The following EVC2 variants were observed in gnomAD, a reference collection of about 807,000 sequenced individuals.
EVC2 encodes EvC ciliary complex subunit 2, also known as limbin.
EVC2 carries 148 observed loss-of-function variants against 149.3 expected under a neutral mutation model. The observed-to-expected ratio is 0.99, with a 90% CI of 0.87 to 1.14. EVC2 has a LOEUF of 1.14. Among genes scored for constraint, EVC2 ranks in the 50% most tolerant of loss-of-function variants. The pLI is 0.00. For missense variants in EVC2, 1,854 were observed against 1,627.3 expected (o/e 1.14, Z -2.40); for synonymous variants, 776 against 649.9 (o/e 1.19, Z -2.95).
Position 5,614,388 on chromosome 4 carries a change from A to T in EVC2, c.2829+1034T>A, listed in dbSNP as rs1220768246. ...CTGCAACCCCAGAGTTAACTGACAC[A>T]GCGCCTGGGACACTGTTGCCTCCCC... On this transcript the variant is annotated intron_variant, in intron 16 of 21. Transcript: ENST00000344408. The surrounding 1 kb of genome is among the most constrained non-coding windows in gnomAD (Gnocchi z 4.7). Among the ~76,000 whole-genome samples the T allele has an allele frequency of 6.9e-6, 1 of 143,982 alleles. No individual in the cohort carries two copies. Among genetic ancestry groups the T allele is most frequent in the East Asian group, 2.6e-4 (1 of 3,908 alleles). The allele number at this position is 143,982 out of a possible 152,430, so 94.5% of individuals were successfully genotyped here.
chr4:5,641,270 A>G (rs1225820545), intron 9 of EVC2, among the ~76,000 whole-genome samples: 1 of 152,220 alleles, frequency 6.6e-6, no homozygotes, highest in Non-Finnish European at 1.5e-5. Context: ...AAAGGACATT[A>G]GATTAAAAAC....
At chr4:5,705,718 C>A (rs1323406811) in intron 1 of EVC2, among the ~76,000 whole-genome samples, 2 of 152,024 alleles carry the variant, frequency 1.3e-5, no homozygotes, top group East Asian at 3.9e-4. Context: ...CTTCCTGTCA[C>A]CTTGGAAAAC....
chr4:5,654,042 C>T (rs1006233400), intron 9 of EVC2, among the ~76,000 whole-genome samples: 3 of 152,112 alleles, frequency 2.0e-5, no homozygotes, highest in African/African-American at 7.2e-5. Context: ...GGTGAAACCC[C>T]GTCTCTACTA....
At chr4:5,648,502 C>T (rs74824618) in intron 9 of EVC2, among the ~76,000 whole-genome samples, 1,808 of 152,242 alleles carry the variant, frequency 0.012, 27 homozygotes, top group African/African-American at 0.041. Flanking sequence ...AGCTAAGGGG[C>T]CTGGATAAAG....
intron 9 of EVC2, among the ~76,000 whole-genome samples, chr4:5,643,391 T>A (rs1717482511): frequency 6.6e-6 from 1 of 152,176 alleles, no homozygotes. Context: ...TGTAATTGTT[T>A]TTTTCACAAC....
At position 5,625,725 on chromosome 4, in the gene EVC2, T is replaced by A. The variant is rs757966891; in HGVS notation, c.2046+24A>T. 1 of 1,614,040 alleles carries A rather than the reference T, an allele frequency of 6.2e-7. No homozygotes were observed. The highest frequency in any genetic ancestry group is 1.7e-5 in the Admixed American group (1 of 60,032). On this transcript the variant is annotated intron_variant, in intron 13 of 21. Coordinates refer to ENST00000344408, the MANE Select transcript of EVC2 (RefSeq NM_147127.5). The surrounding 1 kb of genome is among the most constrained non-coding windows in gnomAD (Gnocchi z 4.0). The stretch of plus-strand genomic sequence containing the variant: ...TATCAGAAAGTGCCTATGCAAAGAA[T>A]AAATAGCATCATGCCTTATATACCT...
At chr4:5,674,016 T>A (rs749378032) in intron 7 of EVC2, among the ~76,000 whole-genome samples, 9 of 141,526 alleles carry the variant, frequency 6.4e-5, no homozygotes, top group Admixed American at 1.4e-4. Context: ...AGAAAATGCT[T>A]GATGAACATG....
intron 7 of EVC2, among the ~76,000 whole-genome samples, chr4:5,668,977 A>G (rs1246113590): frequency 2.0e-5 from 3 of 152,208 alleles, no homozygotes; most frequent in Non-Finnish European, 4.4e-5. Context: ...TCGTGTCTTC[A>G]TGAGGAGAGG....
chr4:5,654,161 C>G (rs1390891748), intron 9 of EVC2, among the ~76,000 whole-genome samples: 1 of 152,136 alleles, frequency 6.6e-6, no homozygotes, highest in African/African-American at 2.4e-5. Flanking sequence ...TTGCAGTGAG[C>G]CAAGATTGTG....
chr4:5,639,001 A>G (rs1026002783), intron 10 of EVC2, among the ~76,000 whole-genome samples: 36 of 152,306 alleles, frequency 2.4e-4, no homozygotes, highest in African/African-American at 6.7e-4. Context: ...AAACTAGGAC[A>G]GGAGAACCTA....
intron 16 of EVC2, among the ~76,000 whole-genome samples, chr4:5,590,094 G>A (rs1226496404): frequency 6.6e-6 from 1 of 152,134 alleles, no homozygotes; most frequent in Non-Finnish European, 1.5e-5. Flanking sequence ...GAGGCAGGGG[G>A]CCCTACAGAG....
intron 11 of EVC2, among the ~76,000 whole-genome samples, chr4:5,631,220 T>C (rs1269392887): frequency 6.6e-6 from 1 of 152,126 alleles, no homozygotes; most frequent in Non-Finnish European, 1.5e-5. Flanking sequence ...CATGCACACA[T>C]ACATGCATAT....
chr4:5,631,570 G>GGA (rs879602176), intron 11 of EVC2, among the ~76,000 whole-genome samples: 9 of 151,346 alleles, frequency 5.9e-5, no homozygotes, highest in Admixed American at 2.0e-4. Context: ...AGTAGACTGG[G>GGA]GGGGGGAACT....
rs1715038513 is a variant in EVC2 at position 5,613,872 on chromosome 4, G to A, written c.2829+1550C>T. On this transcript the variant is annotated intron_variant, in intron 16 of 21. Transcript: ENST00000344408. The surrounding 1 kb of genome is among the most constrained non-coding windows in gnomAD (Gnocchi z 4.6). ...GATCCCTTAAGACATCAACAACCTG[G>A]ACACACCTGATGGGAGACACTGAGC... Among the ~76,000 whole-genome samples the A allele has an allele frequency of 6.6e-6, 1 of 152,126 alleles. No individual in the cohort carries two copies. The highest frequency in any genetic ancestry group is 6.5e-5 in the Admixed American group (1 of 15,282).
rs1038513544 is a variant in EVC2 at position 5,625,508 on chromosome 4, G to A, written c.2046+241C>T. On this transcript the variant is annotated intron_variant, in intron 13 of 21. Coordinates refer to ENST00000344408, the MANE Select transcript of EVC2 (RefSeq NM_147127.5). The surrounding 1 kb of genome is among the most constrained non-coding windows in gnomAD (Gnocchi z 4.0). Reference sequence around the variant, plus strand: ...CACTCCTAATTCCCTTGCCCATGCAGACATTACTAGTCTATTGTGACCCTC... The same window carrying A: ...CACTCCTAATTCCCTTGCCCATGCAAACATTACTAGTCTATTGTGACCCTC... Among the ~76,000 whole-genome samples the A allele has an allele frequency of 1.3e-5, 2 of 152,212 alleles. No homozygotes were observed. Among genetic ancestry groups the A allele is most frequent in the Non-Finnish European group, 2.9e-5 (2 of 68,044 alleles).
intron 9 of EVC2, among the ~76,000 whole-genome samples, chr4:5,662,516 A>G (rs1035099211): frequency 1.7e-4 from 24 of 142,822 alleles, no homozygotes; most frequent in Non-Finnish European, 3.5e-4. Flanking sequence ...TAAATATAAT[A>G]TTAATATTAA....
intron 10 of EVC2, among the ~76,000 whole-genome samples, chr4:5,634,640 A>G (rs114747706): frequency 0.012 from 1,753 of 152,290 alleles, 35 homozygotes; most frequent in African/African-American, 0.04. Context: ...TCTCTAAAAT[A>G]CATGTGGACA....
At chr4:5,652,286 C>T (rs1031861476) in intron 9 of EVC2, among the ~76,000 whole-genome samples, 4 of 152,164 alleles carry the variant, frequency 2.6e-5, no homozygotes, top group Admixed American at 2.6e-4. Context: ...TGAGGAGAGG[C>T]TGCGTCAGGA....
At chr4:5,601,128 C>T (rs868552665) in intron 16 of EVC2, among the ~76,000 whole-genome samples, 2 of 152,120 alleles carry the variant, frequency 1.3e-5, no homozygotes, top group African/African-American at 4.8e-5. Context: ...ACAGAGTGCG[C>T]AGCCCAGCCA....
Sources: gnomAD v4.1 joint callset for allele counts (sites outside exome capture counted in the v4.1 genomes callset) on GRCh38, gnomAD v4.1.1 for gene constraint, Gnocchi (gnomAD v3.1) non-coding constraint, MANE v1.5 for transcripts, NCBI Gene and HGNC (gene_info 2026-07-23, HGNC 2026-07-21) for gene names.